TRAPPC8: variants seen among roughly 807,000 people sequenced by gnomAD.
TRAPPC8 encodes the protein trafficking protein particle complex subunit 8.
In TRAPPC8, 54 loss-of-function variants were observed where a neutral mutation model predicts 174.3. The ratio of observed to expected loss-of-function variants is 0.31; its 90% confidence interval spans 0.25 to 0.39. The LOEUF (loss-of-function observed/expected upper bound fraction) is 0.39. Among genes scored for constraint, TRAPPC8 ranks in the 10% least tolerant of loss-of-function variants. The probability of loss-of-function intolerance (pLI) is 1.00; values close to 1 mark genes in which losing one functional copy is unlikely to be tolerated. For missense variants in TRAPPC8, 1,531 were observed against 1,699.1 expected (o/e 0.90, Z 1.74); for synonymous variants, 630 against 579.9 (o/e 1.09, Z -1.24).
At position 31,864,742 on chromosome 18, in the gene TRAPPC8, T is replaced by C. The variant is rs1271163878; in HGVS notation, c.2630A>G (p.Asp877Gly). The C allele has an allele frequency of 6.2e-7, 1 of 1,612,312 alleles. No homozygotes were observed. The highest frequency in any genetic ancestry group is 8.5e-7 in the Non-Finnish European group (1 of 1,179,234). The change falls in exon 19 of 29, where the codon GAT (aspartate) becomes GGT (glycine). Residue 877 changes from aspartate (D) to glycine (G), a missense_variant. Asp to Gly is a moderately conservative substitution (Grantham distance 94). Coordinates refer to ENST00000283351, the MANE Select transcript of TRAPPC8 (RefSeq NM_014939.5). ...SLSMSVRGKQ[D>G]LEIQGPRLNN... ...AAGTCGAGGACCTTGAATTTCTAAA[T>C]CCTGCTTCCCTCGGACTGACATACT... is the stretch of plus-strand genomic sequence containing the variant.
intron 26 of TRAPPC8, among the ~76,000 whole-genome samples, chr18:31,845,888 T>A (rs1446010348): frequency 1.3e-5 from 2 of 152,182 alleles, no homozygotes; most frequent in Non-Finnish European, 2.9e-5. Flanking sequence ...GTGCTTATAT[T>A]CTATTCATAT....
chr18:31,927,707 T>C (rs957129999), intron 2 of TRAPPC8, among the ~76,000 whole-genome samples: 4 of 152,138 alleles, frequency 2.6e-5, no homozygotes, highest in African/African-American at 4.8e-5. Flanking sequence ...CTGGCCTTAA[T>C]AAATTAAAAG....
At chr18:31,861,935 A>AGGGGGGG (rs1478982235) in intron 19 of TRAPPC8, among the ~76,000 whole-genome samples, 5 of 46,226 alleles carry the variant, frequency 1.1e-4, no homozygotes, top group African/African-American at 1.5e-4. Context: ...GAAAAAAAAA[A>AGGGGGGG]AGGGGGGGGG....
At chr18:31,846,162 C>T (rs1431432561) in intron 26 of TRAPPC8, among the ~76,000 whole-genome samples, 1 of 152,128 alleles carries the variant, frequency 6.6e-6, no homozygotes, top group Non-Finnish European at 1.5e-5. Context: ...ACCCCAAAAA[C>T]CATAACTGCA....
At chr18:31,846,864 T>C in intron 25 of TRAPPC8, 47 bp from the exon 26 acceptor site, 1 of 1,413,820 alleles carries the variant, frequency 7.1e-7, no homozygotes, top group Non-Finnish European at 9.9e-7. Flanking sequence ...GACAGTAACC[T>C]CTAAAGTAAC....
intron 12 of TRAPPC8, among the ~76,000 whole-genome samples, chr18:31,881,351 A>T (rs2035443679): frequency 6.6e-6 from 1 of 152,122 alleles, no homozygotes; most frequent in Non-Finnish European, 1.5e-5. Flanking sequence ...CCTGCAACCA[A>T]CAGATCTTTA....
At chr18:31,869,528 C>T (rs1021245683) in intron 16 of TRAPPC8, among the ~76,000 whole-genome samples, 1 of 152,110 alleles carries the variant, frequency 6.6e-6, no homozygotes, top group East Asian at 1.9e-4. Flanking sequence ...CTGGAATCTT[C>T]CCCACAAAAA....
At chr18:31,890,606 G>A (rs964339298) in intron 12 of TRAPPC8, 129 bp downstream of exon 12, 65 of 965,420 alleles carry the variant, frequency 6.7e-5, no homozygotes, top group Non-Finnish European at 7.8e-5. Context: ...CAAATCTCAC[G>A]CCCTTACCAA....
chr18:31,834,869 G>A (rs1199054750), intron 27 of TRAPPC8, among the ~76,000 whole-genome samples: 2 of 151,970 alleles, frequency 1.3e-5, no homozygotes. Context: ...CTTGTTTTCT[G>A]AAACCCCCAT....
At chr18:31,833,289 T>TTCTA (rs1357399085) in intron 27 of TRAPPC8, 1 of 152,214 alleles carries the variant, frequency 6.6e-6, no homozygotes, top group Non-Finnish European at 1.5e-5. Flanking sequence ...ATACAAATGC[T>TTCTA]TCTAGTAGAA....
chr18:31,935,624 C>T (rs1041071407), intron 1 of TRAPPC8, among the ~76,000 whole-genome samples: 8 of 150,832 alleles, frequency 5.3e-5, no homozygotes, highest in Admixed American at 2.0e-4. Flanking sequence ...ACCCACTGCA[C>T]CCAGTGAGTG....
At chr18:31,928,521 C>A (rs1361902339) in intron 2 of TRAPPC8, among the ~76,000 whole-genome samples, 1 of 151,806 alleles carries the variant, frequency 6.6e-6, no homozygotes, top group African/African-American at 2.4e-5. Context: ...AAGACCCTGT[C>A]TCTTAAAAAT....
At chr18:31,843,266 TTCTG>T (rs1348640912) in intron 26 of TRAPPC8, among the ~76,000 whole-genome samples, 3 of 152,170 alleles carry the variant, frequency 2.0e-5, no homozygotes, top group Admixed American at 6.5e-5. Context: ...ATATCACCTC[TTCTG>T]TCTTTTTTCT....
intron 12 of TRAPPC8, among the ~76,000 whole-genome samples, chr18:31,881,766 A>T (rs2035465799): frequency 6.6e-6 from 1 of 152,218 alleles, no homozygotes; most frequent in Non-Finnish European, 1.5e-5. Flanking sequence ...TAATATCCAG[A>T]ATCTAAAAGT....
At chr18:31,924,391 T>C (rs2037521602) in intron 2 of TRAPPC8, among the ~76,000 whole-genome samples, 1 of 150,648 alleles carries the variant, frequency 6.6e-6, no homozygotes, top group Non-Finnish European at 1.5e-5. Context: ...GAGGCAGAGG[T>C]TGCAGTGAGC....
chr18:31,837,512 G>A (rs2032820534), intron 27 of TRAPPC8, among the ~76,000 whole-genome samples: 1 of 152,116 alleles, frequency 6.6e-6, no homozygotes. Flanking sequence ...GGCCAACATG[G>A]TGAAACCGCA....
Position 31,942,809 on chromosome 18 carries a change from T to G in TRAPPC8, c.-45A>C, listed in dbSNP as rs777653935. On this transcript the variant is annotated 5_prime_UTR_variant, in exon 1 of 29. Coordinates refer to ENST00000283351, the MANE Select transcript of TRAPPC8 (RefSeq NM_014939.5). ...GCGGCGCCCGCCCTCCGGCCCACCC[T>G]GCGAGGTTATCCTGCGGCTGCAGCA... The G allele has an allele frequency of 5.3e-6, 7 of 1,319,578 alleles. No individual in the cohort carries two copies. The Admixed American group carries it at 2.6e-4, about 50-fold the overall frequency. 81.7% of individuals were successfully genotyped at this position (1,319,578 alleles called of 1,614,324 possible). A position where few individuals can be genotyped will look rare whatever the true frequency, so the allele number is the denominator to read the frequency against.
chr18:31,877,268 G>T lies in TRAPPC8; in HGVS notation c.1729-2564C>A, dbSNP rs117267497. On this transcript the variant is annotated intron_variant, in intron 12 of 28. Transcript: ENST00000283351. ...CTCCCTGCTGGGAGCTGGCAGACGT[G>T]TCCTTGGGGAAAGCACTTTTCATGC... Among the ~76,000 whole-genome samples the T allele has an allele frequency of 1.8e-3, 281 of 152,252 alleles. 6 individuals are homozygous for T. In the East Asian group the frequency reaches 0.044, roughly 24 times the overall value.
intron 16 of TRAPPC8, among the ~76,000 whole-genome samples, chr18:31,869,002 CTTT>C (rs111488120): frequency 1.4e-5 from 2 of 141,372 alleles, no homozygotes; most frequent in South Asian, 2.3e-4. Flanking sequence ...TTCCAAAATC[CTTT>C]TTTTTTTTTT....
Sources: allele counts gnomAD v4.1 joint callset (sites outside exome capture counted in the v4.1 genomes callset), GRCh38; gene constraint gnomAD v4.1.1; transcripts MANE v1.5; gene names NCBI Gene and HGNC (gene_info 2026-07-23, HGNC 2026-07-21).